FREM2: variants seen among roughly 807,000 people sequenced by gnomAD.
FREM2 encodes FRAS1-related extracellular matrix protein 2.
In FREM2, 119 loss-of-function variants were observed where a neutral mutation model predicts 219.9. That is an observed-to-expected ratio of 0.54 (90% CI 0.47 to 0.63). The LOEUF is 0.63. FREM2 is among the 30% of genes least tolerant of loss of function. FREM2 has a pLI of 0.00. For synonymous variants in FREM2, 1,562 were observed against 1,522.8 expected, an observed-to-expected ratio of 1.03 and a Z score of -0.60; for missense variants, 4,030 against 3,993.6, an observed-to-expected ratio of 1.01 and a Z score of -0.25.
intron 12 of FREM2, among the ~76,000 whole-genome samples, chr13:38,857,209 T>C (rs563552630): frequency 6.6e-6 from 1 of 152,284 alleles, no homozygotes; most frequent in South Asian, 2.1e-4. Context: ...CTTTTAAAAA[T>C]ATACACGTAA....
At chr13:38,745,237 G>A (rs1255832999) in intron 2 of FREM2, among the ~76,000 whole-genome samples, 1 of 152,112 alleles carries the variant, frequency 6.6e-6, no homozygotes, top group Non-Finnish European at 1.5e-5. Flanking sequence ...TTTGAAGTAT[G>A]TTTTTAATAG....
chr13:38,739,200 A>T (rs187424947), intron 2 of FREM2, among the ~76,000 whole-genome samples: 1 of 152,352 alleles, frequency 6.6e-6, no homozygotes, highest in East Asian at 1.9e-4. Flanking sequence ...TATTTTGTTA[A>T]GAAAGTTTTA....
chr13:38,797,562 C>G (rs1649900765), intron 6 of FREM2, among the ~76,000 whole-genome samples: 1 of 151,932 alleles, frequency 6.6e-6, no homozygotes, highest in Admixed American at 6.6e-5. Context: ...TAGTTTGTCC[C>G]TTCACTCTGT....
Position 38,876,317 on chromosome 13 carries a change from C to A in FREM2, c.8479C>A (p.Arg2827Ser). The A allele has an allele frequency of 6.2e-7, 1 of 1,613,820 alleles. No homozygotes were observed. The highest frequency in any genetic ancestry group is 8.5e-7 in the Non-Finnish European group (1 of 1,179,824). ...PCTAPSHQEY[R>S]LPVTCNPREP... ...CACTGCCCCATCACATCAGGAATAC[C>A]GCCTGCCAGTCACCTGCAACCCCAG... The change falls in exon 20 of 24, where the codon CGC becomes AGC. Residue 2827 changes from arginine (R) to serine (S), a missense_variant. Transcript: ENST00000280481.
intron 2 of FREM2, among the ~76,000 whole-genome samples, chr13:38,763,764 G>C (rs1355453610): frequency 4.6e-5 from 7 of 152,182 alleles, no homozygotes; most frequent in African/African-American, 1.7e-4. Flanking sequence ...GAAAAGAACT[G>C]TCTGTTTGCT....
At chr13:38,700,769 A>G (rs959666015) in intron 2 of FREM2, among the ~76,000 whole-genome samples, 1 of 152,008 alleles carries the variant, frequency 6.6e-6, no homozygotes, top group African/African-American at 2.4e-5. Context: ...CTTATTCAGG[A>G]TAGGGATAAG....
chr13:38,736,475 G>T (rs1167848207), intron 2 of FREM2, among the ~76,000 whole-genome samples: 2 of 152,142 alleles, frequency 1.3e-5, no homozygotes, highest in African/African-American at 4.8e-5. Context: ...TTCATTATAA[G>T]ATTTTATGTT....
At chr13:38,868,229 AG>A (rs1475524671) in intron 16 of FREM2, among the ~76,000 whole-genome samples, 1 of 152,250 alleles carries the variant, frequency 6.6e-6, no homozygotes, top group Non-Finnish European at 1.5e-5. Flanking sequence ...TTCCTCCATT[AG>A]TTTTGGCTTA....
chr13:38,880,729 G>C lies in FREM2; in HGVS notation c.9452G>C (p.Ser3151Thr), dbSNP rs1297300623. ...FRGKDAPKGS[S>T]SSEPMVPPQS... ...GGGAAGGATGCCCCGAAAGGCTCCAGCAGCAGTGAGCCCATGGTGCCCCCA... is the reference window on the plus strand; with the variant it reads ...GGGAAGGATGCCCCGAAAGGCTCCACCAGCAGTGAGCCCATGGTGCCCCCA... Residue 3151 changes from serine (S) to threonine (T), a missense_variant, in exon 24 of 24, where the codon AGC (serine) becomes ACC (threonine). Ser to Thr is a moderately conservative substitution (Grantham distance 58). Around this residue, in one of 2 missense-constraint regions of FREM2, gnomAD observed 928 missense variants for 1,042.9 expected, o/e 0.89. Transcript: ENST00000280481. 3 of 1,614,076 alleles carry C rather than the reference G, an allele frequency of 1.9e-6. No homozygotes were observed. In the African/African-American group the frequency reaches 4.0e-5, roughly 22 times the overall value.
At chr13:38,799,728 C>T (rs1399783793) in intron 6 of FREM2, among the ~76,000 whole-genome samples, 1 of 151,794 alleles carries the variant, frequency 6.6e-6, no homozygotes, top group Non-Finnish European at 1.5e-5. Flanking sequence ...CCTTCTTTCT[C>T]TTTCTTTCTT....
chr13:38,711,189 T>A (rs1362080951), intron 2 of FREM2, among the ~76,000 whole-genome samples: 3 of 152,238 alleles, frequency 2.0e-5, no homozygotes, highest in Non-Finnish European at 4.4e-5. Flanking sequence ...TGCATCACTT[T>A]GATAAAACTG....
chr13:38,843,323 AGAATT>A (rs952412008), intron 6 of FREM2, among the ~76,000 whole-genome samples: 2 of 152,182 alleles, frequency 1.3e-5, no homozygotes, highest in Non-Finnish European at 2.9e-5. Context: ...GCTGAATTAA[AGAATT>A]GAATAGGCTT....
In FREM2 at chr13:38,862,248, A is replaced by T. The variant is rs533299729; in HGVS notation, c.7651+686A>T. On this transcript the variant is annotated intron_variant, in intron 15 of 23. Coordinates refer to ENST00000280481, the MANE Select transcript of FREM2 (RefSeq NM_207361.6). Reference sequence around the variant, plus strand: ...AATACGATTAGGAGCTGCAACGTAGAATCTACCTCCCCCAGAACAAGAACA... The same window carrying T: ...AATACGATTAGGAGCTGCAACGTAGTATCTACCTCCCCCAGAACAAGAACA... 3.3e-5 allele frequency among the ~76,000 whole-genome samples: 5 copies of T among 152,334 alleles called. No homozygotes were observed. The East Asian group carries it at 9.6e-4, about 29-fold the overall frequency.
chr13:38,725,885 C>A (rs761551808), intron 2 of FREM2, among the ~76,000 whole-genome samples: 2 of 152,014 alleles, frequency 1.3e-5, no homozygotes, highest in Admixed American at 1.3e-4. Flanking sequence ...GTCAAGATGG[C>A]GATGTCTGTG....
At chr13:38,751,826 G>A (rs1872782385) in intron 2 of FREM2, among the ~76,000 whole-genome samples, 1 of 151,072 alleles carries the variant, frequency 6.6e-6, no homozygotes, top group Admixed American at 6.6e-5. Flanking sequence ...ACAAGGACTG[G>A]AGCTCTAAGA....
intron 6 of FREM2, among the ~76,000 whole-genome samples, chr13:38,834,553 T>C (rs1287588474): frequency 6.6e-6 from 1 of 152,190 alleles, no homozygotes; most frequent in African/African-American, 2.4e-5. Flanking sequence ...TTGAACTAAT[T>C]TACACTTCCA....
At position 38,722,482 on chromosome 13, in the gene FREM2, T is replaced by C. The variant is rs375807981; in HGVS notation, c.5263+24695T>C. ...CCTGCCTAGACATCTGACCTCTTTTTTTTTAGTACTGATTTCACTGACTAA... is the reference window on the plus strand; with the variant it reads ...CCTGCCTAGACATCTGACCTCTTTTCTTTTAGTACTGATTTCACTGACTAA... On this transcript the variant is annotated intron_variant, in intron 2 of 23. Coordinates refer to ENST00000280481, the MANE Select transcript of FREM2 (RefSeq NM_207361.6). Among the ~76,000 whole-genome samples the C allele has an allele frequency of 8.5e-5, 13 of 152,284 alleles. No homozygotes were observed. In the East Asian group the frequency reaches 1.7e-3, roughly 20 times the overall value.
intron 2 of FREM2, among the ~76,000 whole-genome samples, chr13:38,700,348 T>G (rs903206886): frequency 3.9e-5 from 6 of 152,046 alleles, no homozygotes; most frequent in African/African-American, 1.4e-4. Flanking sequence ...TTTGAAGTTT[T>G]GGAGTGCTTT....
chr13:38,730,359 T>TA (rs1307673425), intron 2 of FREM2, among the ~76,000 whole-genome samples: 4 of 152,154 alleles, frequency 2.6e-5, no homozygotes, highest in African/African-American at 2.4e-5. Flanking sequence ...CATTCAGTGG[T>TA]AAAAAATGCA....
Sources: gnomAD v4.1 joint callset for allele counts (sites outside exome capture counted in the v4.1 genomes callset) on GRCh38, gnomAD v4.1.1 for gene constraint, gnomAD v4.1.1 regional missense constraint, MANE v1.5 for transcripts, NCBI Gene and HGNC (gene_info 2026-07-23, HGNC 2026-07-21) for gene names.